The following ZFYVE26 variants were observed in gnomAD, a reference collection of about 807,000 sequenced individuals.
ZFYVE26 encodes zinc finger FYVE-type containing 26.
Under a neutral mutation model 276.5 loss-of-function variants are expected in ZFYVE26, and 181 were observed. The observed-to-expected ratio is 0.65, with a 90% CI of 0.58 to 0.74. The LOEUF is 0.74. ZFYVE26 is among the 30% of genes least tolerant of loss of function. The pLI, the probability that ZFYVE26 is intolerant of heterozygous loss-of-function variation, is 0.00. For synonymous variants in ZFYVE26, 1,129 were observed against 1,203.1 expected (o/e 0.94, Z 1.27); for missense variants, 2,821 against 3,097.9 (o/e 0.91, Z 2.12).
chr14:67,750,219 C>A (rs58220177), intron 41 of ZFYVE26, among the ~76,000 whole-genome samples: 15,833 of 152,138 alleles, frequency 0.1, 833 homozygotes, highest in Middle Eastern at 0.21. Flanking sequence ...CATGATGTTA[C>A]AGAAATAAAT....
At chr14:67,768,378 T>G (rs1288095546) in intron 30 of ZFYVE26, 139 bp downstream of exon 30, 12 of 937,976 alleles carry the variant, frequency 1.3e-5, no homozygotes, top group Non-Finnish European at 1.8e-6. Flanking sequence ...CTGATACAAA[T>G]GCCAAGAATT....
At position 67,762,835 on chromosome 14, in the gene ZFYVE26, G is replaced by C; in HGVS notation, c.6012-16C>G. On this transcript the variant is annotated splice_polypyrimidine_tract_variant and intron_variant, in intron 32 of 41. Coordinates refer to ENST00000347230, the MANE Select transcript of ZFYVE26 (RefSeq NM_015346.4). ...GCTGATGTAGCTACAAGGAGGAAAA[G>C]GGCAAGGCCATGAGGCTCCCTAGTG... 6.2e-7 allele frequency: 1 copy of C among 1,613,436 alleles called. No homozygotes were observed. The highest frequency in any genetic ancestry group is 8.5e-7 in the Non-Finnish European group (1 of 1,180,020).
chr14:67,771,770 C>T (rs565565239), intron 28 of ZFYVE26, among the ~76,000 whole-genome samples: 2 of 152,262 alleles, frequency 1.3e-5, no homozygotes, highest in Admixed American at 1.3e-4. Context: ...AAACAAGATC[C>T]ACTGACACCT....
rs1167529048 is a variant in ZFYVE26 at position 67,786,019 on chromosome 14, C to T, written c.3143G>A (p.Ser1048Asn). Residue 1048 changes from serine (S) to asparagine (N), a missense_variant, in exon 18 of 42, where the codon AGT becomes AAT. By Grantham distance (46) the Ser-to-Asn change is conservative. Coordinates refer to ENST00000347230, the MANE Select transcript of ZFYVE26 (RefSeq NM_015346.4). ...LMSASQTKSESVEEKGGGPPR... is the reference protein window; with the variant it reads ...LMSASQTKSENVEEKGGGPPR... ...AGGGCCTCCTCCCTTTTCTTCCACACTCTCTATGGAAAGCAAATGAGAAAG... is the reference window on the plus strand; with the variant it reads ...AGGGCCTCCTCCCTTTTCTTCCACATTCTCTATGGAAAGCAAATGAGAAAG... 1.2e-6 allele frequency: 2 copies of T among 1,614,198 alleles called. No individual in the cohort carries two copies. The highest frequency in any genetic ancestry group is 1.7e-6 in the Non-Finnish European group (2 of 1,180,032).
intron 2 of ZFYVE26, among the ~76,000 whole-genome samples, chr14:67,814,411 C>T (rs2040359291): frequency 6.6e-6 from 1 of 151,926 alleles, no homozygotes. Context: ...CCCAGCTACT[C>T]GGGAGGCTGA....
At chr14:67,768,673 T>G in intron 29 of ZFYVE26, 125 bp from the exon 30 acceptor site, 2 of 919,004 alleles carry the variant, frequency 2.2e-6, no homozygotes, top group Non-Finnish European at 3.5e-6. Context: ...AGGGTAGAAT[T>G]GTTGAATGAA....
chr14:67,786,064 T>G, intron 17 of ZFYVE26, 42 bp from the exon 18 acceptor site: 1 of 1,614,178 alleles, frequency 6.2e-7, no homozygotes, highest in South Asian at 1.1e-5. Context: ...AGTCTGTTGC[T>G]GACCTAATGT....
chr14:67,805,685 C>T, intron 6 of ZFYVE26, 67 bp from the exon 7 acceptor site: 1 of 1,549,992 alleles, frequency 6.5e-7, no homozygotes, highest in Non-Finnish European at 8.8e-7. Flanking sequence ...TAGCTTACTG[C>T]TCTTTAGAGA....
chr14:67,762,769 C>A lies in ZFYVE26; in HGVS notation c.6062G>T (p.Arg2021Leu), dbSNP rs367758946. 1.2e-6 allele frequency: 2 copies of A among 1,614,172 alleles called. No individual in the cohort carries two copies. Among genetic ancestry groups the A allele is most frequent in the African/African-American group, 1.3e-5 (1 of 75,050 alleles). The change falls in exon 33 of 42, where the codon CGC (arginine) becomes CTC (leucine). Residue 2021 changes from arginine to leucine, a missense_variant. Coordinates refer to ENST00000347230, the MANE Select transcript of ZFYVE26 (RefSeq NM_015346.4). ...GATCTGATCCAAAGATGGCACGTGGCGATAGGCAGCAGCAACTAAAATATT... is the reference window on the plus strand; with the variant it reads ...GATCTGATCCAAAGATGGCACGTGGAGATAGGCAGCAGCAACTAAAATATT... ...VLNILVAAAY[R>L]HVPSLDQILQ...
intron 28 of ZFYVE26, among the ~76,000 whole-genome samples, chr14:67,770,892 C>T (rs2039192455): frequency 6.6e-6 from 1 of 152,024 alleles, no homozygotes; most frequent in Non-Finnish European, 1.5e-5. Flanking sequence ...CAAGCCACAA[C>T]CAATTGTCCT....
intron 13 of ZFYVE26, chr14:67,734,461 T>A (rs958324389): frequency 1.3e-5 from 2 of 155,036 alleles, no homozygotes; most frequent in African/African-American, 4.8e-5. Flanking sequence ...ATTGTCTTAT[T>A]TATTTTCTCA....
At chr14:67,799,224 C>A (rs775849705) in intron 10 of ZFYVE26, 180 of 1,612,988 alleles carry the variant, frequency 1.1e-4, no homozygotes, top group Non-Finnish European at 2.7e-5. Context: ...ATTAAACAGG[C>A]CTATCTGGAC....
At position 67,806,591 on chromosome 14, in the gene ZFYVE26, T is replaced by C; in HGVS notation, c.971A>G (p.Tyr324Cys). Residue 324 changes from tyrosine to cysteine, a missense_variant, in exon 6 of 42, where the codon TAT becomes TGT. Coordinates refer to ENST00000347230, the MANE Select transcript of ZFYVE26 (RefSeq NM_015346.4). ...TTTGTTGTTGCTCAGGCAGTAGAAATAGGCCACTTTCCAAGCCTCGGCTGG... is the reference window on the plus strand; with the variant it reads ...TTTGTTGTTGCTCAGGCAGTAGAAACAGGCCACTTTCCAAGCCTCGGCTGG... ...PNPAEAWKVAYFYCLSNNKHF... is the reference protein window; with the variant it reads ...PNPAEAWKVACFYCLSNNKHF... 6.2e-7 allele frequency: 1 copy of C among 1,614,198 alleles called. No homozygotes were observed. The highest frequency in any genetic ancestry group is 8.5e-7 in the Non-Finnish European group (1 of 1,180,026).
In ZFYVE26 at chr14:67,740,765, G is replaced by A. The variant is rs540145791; in HGVS notation, n.2679+10287C>T. ...TCTACTAAAAATAAAAAAATTAGCC[G>A]GGCGCAGTGGCAGGCGCCTGTAATC... On this transcript the variant is annotated intron_variant and non_coding_transcript_variant, in intron 13 of 14. Coordinates refer to the ZFYVE26 transcript ENST00000394455. Among the ~76,000 whole-genome samples, 12 of 152,150 alleles carry A rather than the reference G, an allele frequency of 7.9e-5. No individual in the cohort carries two copies. The East Asian group carries it at 1.5e-3, about 20-fold the overall frequency.
chr14:67,807,422 G>C lies in ZFYVE26; in HGVS notation c.862C>G (p.Pro288Ala), dbSNP rs771544118. 1.9e-6 allele frequency: 3 copies of C among 1,614,206 alleles called. No homozygotes were observed. The highest frequency in any genetic ancestry group is 2.5e-6 in the Non-Finnish European group (3 of 1,180,032). ...TYAEKVTEKPPRATASGKVSP... is the reference protein window; with the variant it reads ...TYAEKVTEKPARATASGKVSP... ...CCTTTTCCCGAGGCTGTAGCCCTCG[G>C]TGGCTTTTCTGTGACCTTCTCTGCA... is the stretch of plus-strand genomic sequence containing the variant. Residue 288 changes from proline (P) to alanine (A), a missense_variant, in exon 5 of 42, where the codon CCG becomes GCG. Transcript: ENST00000347230.
Position 67,784,356 on chromosome 14 carries a change from C to T in ZFYVE26, c.3604G>A (p.Glu1202Lys). The T allele has an allele frequency of 6.2e-7, 1 of 1,614,090 alleles. No individual in the cohort carries two copies. Among genetic ancestry groups the T allele is most frequent in the Non-Finnish European group, 8.5e-7 (1 of 1,179,998 alleles). Residue 1202 changes from glutamate (E) to lysine (K), a missense_variant, in exon 20 of 42, where the codon GAG (glutamate) becomes AAG (lysine). Transcript: ENST00000347230. ...SSQLVSHLLF[E>K]RQVPPERLAA... ...TACCTCTCTGGGGGAACTTGTCTCT[C>T]AAACAGGAGATGTGACACCAGTTGG...
At position 67,777,711 on chromosome 14, in the gene ZFYVE26, T is replaced by G; in HGVS notation, c.4822A>C (p.Thr1608Pro). Residue 1608 changes from threonine to proline, a missense_variant, in exon 25 of 42, where the codon ACC becomes CCC. Physicochemically the swap from Thr to Pro is conservative, Grantham distance 38. Transcript: ENST00000347230. ...LQLLRRIPDP[T>P]MCLEVTEQSL... Reference sequence around the variant, plus strand: ...TGCTCTGTCACTTCAAGGCACATGGTGGGGTCAGGGATTCTTCGCAGGAGC... The same window carrying G: ...TGCTCTGTCACTTCAAGGCACATGGGGGGGTCAGGGATTCTTCGCAGGAGC... 1.2e-6 allele frequency: 2 copies of G among 1,614,144 alleles called. No individual in the cohort carries two copies. Among genetic ancestry groups the G allele is most frequent in the Non-Finnish European group, 1.7e-6 (2 of 1,180,014 alleles).
At chr14:67,790,907 TGA>T in intron 14 of ZFYVE26, 134 bp from the exon 15 acceptor site, 1 of 801,274 alleles carries the variant, frequency 1.2e-6, no homozygotes, top group Non-Finnish European at 2.2e-6. Context: ...AGAAGAGCAC[TGA>T]ATGTTAGAAG....
chr14:67,779,557 A>G (rs1369719788), intron 23 of ZFYVE26, among the ~76,000 whole-genome samples: 2 of 152,118 alleles, frequency 1.3e-5, no homozygotes, highest in African/African-American at 4.8e-5. Flanking sequence ...GCAAGACTCC[A>G]TCTCAAAAAT....
Sources: allele counts gnomAD v4.1 joint callset (sites outside exome capture counted in the v4.1 genomes callset), GRCh38; gene constraint gnomAD v4.1.1; transcripts MANE v1.5; gene names NCBI Gene and HGNC (gene_info 2026-07-23, HGNC 2026-07-21).